Variants in BTG4 observed in about 807,000 individuals in gnomAD.
BTG4 encodes the protein protein BTG4.
A neutral mutation model predicts 19.3 loss-of-function variants in BTG4; 10 were observed. The ratio of observed to expected loss-of-function variants is 0.52; its 90% CI spans 0.32 to 0.88. BTG4 has a LOEUF of 0.88. Ranked by LOEUF, BTG4 falls within the 40% of genes least tolerant of loss-of-function variation. BTG4 has a pLI of 0.04. For synonymous variants in BTG4, 91 were observed against 95.7 expected (o/e 0.95, Z 0.29); for missense variants, 238 against 281.9 (o/e 0.84, Z 1.11).
At chr11:111,513,298 G>C (rs1591550724), upstream of BTG4, 2 of 468,896 alleles carry the variant, frequency 4.3e-6, no homozygotes, top group African/African-American at 2.0e-5. Flanking sequence ...ACTGTATGCT[G>C]TGATTCACTG....
chr11:111,452,379 C>A, the BTG4 span: 1 of 152,396 alleles, frequency 6.6e-6, no homozygotes, highest in Admixed American at 6.5e-5. Context: ...GACAGTGGGA[C>A]AAAGACTGAA....
chr11:111,401,490 A>C, the BTG4 span, among the ~76,000 whole-genome samples: 2 of 149,992 alleles, frequency 1.3e-5, no homozygotes, highest in African/African-American at 5.1e-5. Flanking sequence ...TCAAAAAAAA[A>C]AAAGAAAAGA....
chr11:111,456,907 T>C, the BTG4 span, among the ~76,000 whole-genome samples: 127 of 152,236 alleles, frequency 8.3e-4, no homozygotes, highest in African/African-American at 2.2e-3. This position sits in a 1 kb window ranked among gnomAD's most constrained non-coding sequence, Gnocchi z 4.2. Context: ...AAATACTTCC[T>C]TCCCCTCCTC....
chr11:111,465,619 C>T (rs1863674795), downstream of BTG4, among the ~76,000 whole-genome samples: 1 of 152,122 alleles, frequency 6.6e-6, no homozygotes, highest in South Asian at 2.1e-4. Context: ...ATTCAATCCC[C>T]AAGAGTCTTT....
intron 1 of BTG4, among the ~76,000 whole-genome samples, chr11:111,504,231 T>A (rs569686957): frequency 6.6e-6 from 1 of 152,216 alleles, no homozygotes; most frequent in South Asian, 2.1e-4. Context: ...TATAAAATAA[T>A]GAACTGATTC....
chr11:111,407,083 T>C, the BTG4 span, among the ~76,000 whole-genome samples: 24 of 151,628 alleles, frequency 1.6e-4, no homozygotes, highest in Middle Eastern at 3.5e-3. Context: ...GTCTGGCACA[T>C]GGTAAGCATT....
the BTG4 span, among the ~76,000 whole-genome samples, chr11:111,435,663 A>T: frequency 1.3e-5 from 2 of 152,112 alleles, no homozygotes; most frequent in Non-Finnish European, 2.9e-5. Flanking sequence ...ACTGCCACTC[A>T]CTGTGGATTC....
the BTG4 span, among the ~76,000 whole-genome samples, chr11:111,410,991 G>A: frequency 1.6e-4 from 25 of 152,134 alleles, no homozygotes; most frequent in African/African-American, 2.4e-4. Flanking sequence ...CATCTCCGCC[G>A]ACATTACCAC....
chr11:111,495,351 G>T (rs755722830), intron 4 of BTG4, 37 bp from the exon 5 acceptor site: 229 of 1,552,346 alleles, frequency 1.5e-4, no homozygotes, highest in Non-Finnish European at 2.0e-4. Context: ...TAATAAGCTA[G>T]CTGTAAGGAC....
chr11:111,420,139 G>A, the BTG4 span, among the ~76,000 whole-genome samples: 23 of 152,236 alleles, frequency 1.5e-4, no homozygotes, highest in Non-Finnish European at 2.8e-4. Flanking sequence ...AAAGTTCACA[G>A]TCTATCTTCT....
the BTG4 span, among the ~76,000 whole-genome samples, chr11:111,396,598 C>A: frequency 6.6e-6 from 1 of 152,268 alleles, no homozygotes; most frequent in Admixed American, 6.5e-5. Context: ...GATGCAACTA[C>A]AAGGCCTAAG....
the BTG4 span, among the ~76,000 whole-genome samples, chr11:111,438,292 G>A: frequency 6.6e-6 from 1 of 152,158 alleles, no homozygotes; most frequent in African/African-American, 2.4e-5. Context: ...CCTGGAACTT[G>A]GGCCCCAATA....
chr11:111,400,891 C>A, the BTG4 span: 1 of 151,904 alleles, frequency 6.6e-6, no homozygotes, highest in African/African-American at 2.4e-5. Flanking sequence ...TAAGACAACA[C>A]CAAACAAACC....
At chr11:111,480,321 C>T (rs1307249641) in intron 5 of BTG4, among the ~76,000 whole-genome samples, 10 of 151,998 alleles carry the variant, frequency 6.6e-5, no homozygotes, top group Admixed American at 2.0e-4. Context: ...CACAACAGAA[C>T]TGCAACACAT....
chr11:111,490,811 T>G (rs116044592), downstream of BTG4, among the ~76,000 whole-genome samples: 1,070 of 152,324 alleles, frequency 7.0e-3, 17 homozygotes, highest in African/African-American at 0.025. Flanking sequence ...ACATTGCTGA[T>G]GGGAACATAA....
the BTG4 span, among the ~76,000 whole-genome samples, chr11:111,410,255 C>A: frequency 6.6e-6 from 1 of 152,002 alleles, no homozygotes; most frequent in Non-Finnish European, 1.5e-5. Context: ...AGGTGCACAG[C>A]ATCACACCCA....
At chr11:111,470,975 C>A (rs913657179) in intron 5 of BTG4, among the ~76,000 whole-genome samples, 6 of 152,032 alleles carry the variant, frequency 3.9e-5, no homozygotes, top group Non-Finnish European at 8.8e-5. Context: ...AGCATTTTAA[C>A]TATTAAAAAT....
the BTG4 span, among the ~76,000 whole-genome samples, chr11:111,446,677 C>T: frequency 6.6e-6 from 1 of 151,480 alleles, no homozygotes; most frequent in Non-Finnish European, 1.5e-5. Flanking sequence ...AACAGCATTT[C>T]CTCTTCTCCT....
At chr11:111,489,712 G>C (rs2135622983) in intron 5 of BTG4, among the ~76,000 whole-genome samples, 1 of 152,118 alleles carries the variant, frequency 6.6e-6, no homozygotes, top group South Asian at 2.1e-4. Flanking sequence ...AACATGGATG[G>C]AACTAGAGGA....
Sources: gnomAD v4.1 joint callset for allele counts (sites outside exome capture counted in the v4.1 genomes callset) on GRCh38, gnomAD v4.1.1 for gene constraint, Gnocchi (gnomAD v3.1) non-coding constraint, MANE v1.5 for transcripts, NCBI Gene and HGNC (gene_info 2026-07-23, HGNC 2026-07-21) for gene names.